The following LGR6 variants were observed in gnomAD, a reference collection of about 807,000 sequenced individuals.
LGR6 encodes leucine rich repeat containing G protein-coupled receptor 6, also known as leucine-rich repeat-containing G protein-coupled receptor 6.
A neutral mutation model predicts 69.4 loss-of-function variants in LGR6; 45 were observed. The ratio of observed to expected loss-of-function variants is 0.65; its 90% confidence interval spans 0.51 to 0.83. The LOEUF (loss-of-function observed/expected upper bound fraction) is 0.83. Among genes scored for constraint, LGR6 ranks in the 40% least tolerant of loss-of-function variants. LGR6 has a pLI of 0.00. For missense variants in LGR6, 1,108 were observed against 1,246.7 expected (o/e 0.89, Z 1.68); for synonymous variants, 538 against 555.0 (o/e 0.97, Z 0.43).
At chr1:202,294,478 G>A (rs1165937145) in intron 6 of LGR6, among the ~76,000 whole-genome samples, 1 of 152,192 alleles carries the variant, frequency 6.6e-6, no homozygotes, top group African/African-American at 2.4e-5. Flanking sequence ...TCATTCATGA[G>A]GTTGTAGTCA....
Position 202,300,953 on chromosome 1 carries a change from G to A in LGR6, c.857+33G>A, listed in dbSNP as rs200044070. ...CTACTTTCTCTGGTCTCTTAATGCCGAACAGTGTTTCAGGGAGGAGGACAG... is the reference window on the plus strand; with the variant it reads ...CTACTTTCTCTGGTCTCTTAATGCCAAACAGTGTTTCAGGGAGGAGGACAG... On this transcript the variant is annotated intron_variant, in intron 8 of 17. Transcript: ENST00000367278. 7.7e-5 allele frequency: 120 copies of A among 1,565,430 alleles called. 3 individuals carry two copies. In the Middle Eastern group the frequency reaches 2.5e-3, roughly 33 times the overall value.
At chr1:202,205,622 TACAC>T (rs1659177072) in intron 1 of LGR6, among the ~76,000 whole-genome samples, 1 of 109,316 alleles carries the variant, frequency 9.1e-6, no homozygotes, top group South Asian at 3.3e-4. Flanking sequence ...CCTTCACACA[TACAC>T]ATACACCTCC....
chr1:202,194,347 G>T (rs529009182), intron 1 of LGR6, 146 bp downstream of exon 1: 8 of 598,340 alleles, frequency 1.3e-5, no homozygotes, highest in Non-Finnish European at 2.3e-5. Context: ...TGACCGTTGC[G>T]GGACTGGGGA....
chr1:202,282,689 T>C lies in LGR6; in HGVS notation c.716+1837T>C, dbSNP rs150918861. Among the ~76,000 whole-genome samples, 667 of 152,328 alleles carry C rather than the reference T, an allele frequency of 4.4e-3. 3 individuals carry two copies. The highest frequency in any genetic ancestry group is 0.015 in the African/African-American group (610 of 41,574). ...GGGGAGGGGGTACATACACTGACTA[T>C]GTGTTGGCGCCTCTAAAAAACCAAC... On this transcript the variant is annotated intron_variant, in intron 6 of 17. Transcript: ENST00000367278.
At chr1:202,314,512 T>G (rs1322242452) in intron 16 of LGR6, among the ~76,000 whole-genome samples, 1 of 152,182 alleles carries the variant, frequency 6.6e-6, no homozygotes. Flanking sequence ...GAAGCAGCAC[T>G]TGTGGGTAAG....
At chr1:202,255,809 A>T (rs982618823) in intron 4 of LGR6, among the ~76,000 whole-genome samples, 3 of 152,230 alleles carry the variant, frequency 2.0e-5, no homozygotes, top group African/African-American at 7.2e-5. Flanking sequence ...TTATGTCAGC[A>T]TCTGGTTTAT....
At chr1:202,259,684 C>T (rs1664062992) in intron 4 of LGR6, among the ~76,000 whole-genome samples, 1 of 152,152 alleles carries the variant, frequency 6.6e-6, no homozygotes, top group East Asian at 1.9e-4. Context: ...CCTCCTCCTT[C>T]CTCCCATCTC....
chr1:202,276,237 C>A, intron 4 of LGR6, 69 bp from the exon 5 acceptor site: 1 of 1,349,760 alleles, frequency 7.4e-7, no homozygotes, highest in South Asian at 1.3e-5. Flanking sequence ...CTGGCTGGCC[C>A]AGTCTAGCCC....
chr1:202,301,318 G>GGAT, intron 9 of LGR6, 83 bp downstream of exon 9: 1 of 1,197,156 alleles, frequency 8.4e-7, no homozygotes, highest in Non-Finnish European at 1.2e-6. Flanking sequence ...TATCGCCTGC[G>GGAT]GATCTCTCCC....
At chr1:202,215,823 T>C (rs1659740335) in intron 1 of LGR6, among the ~76,000 whole-genome samples, 1 of 152,232 alleles carries the variant, frequency 6.6e-6, no homozygotes, top group African/African-American at 2.4e-5. Flanking sequence ...GGAGACCAGC[T>C]ACATGAATGA....
intron 14 of LGR6, among the ~76,000 whole-genome samples, chr1:202,308,800 T>G (rs1240752708): frequency 6.6e-6 from 1 of 152,194 alleles, no homozygotes; most frequent in Non-Finnish European, 1.5e-5. Flanking sequence ...CAGTCCCTGG[T>G]ATATAGTTGG....
At chr1:202,223,531 A>G (rs988452812) in intron 1 of LGR6, among the ~76,000 whole-genome samples, 15 of 152,070 alleles carry the variant, frequency 9.9e-5, no homozygotes, top group Non-Finnish European at 1.6e-4. Flanking sequence ...TAGGGAAAGG[A>G]GAAAGCCTCA....
chr1:202,227,450 T>C (rs987242963), intron 2 of LGR6, among the ~76,000 whole-genome samples: 3 of 152,192 alleles, frequency 2.0e-5, no homozygotes, highest in Non-Finnish European at 1.5e-5. Flanking sequence ...CTTAACCCTC[T>C]TGGATTAGTG....
intron 16 of LGR6, among the ~76,000 whole-genome samples, chr1:202,311,718 G>A (rs1019746694): frequency 6.6e-6 from 1 of 152,210 alleles, no homozygotes; most frequent in Non-Finnish European, 1.5e-5. Context: ...CTCATAGGCT[G>A]TTGGGGAAGA....
At chr1:202,309,321 C>T (rs1464200275) in intron 15 of LGR6, 145 bp downstream of exon 15, 2 of 907,542 alleles carry the variant, frequency 2.2e-6, no homozygotes, top group Non-Finnish European at 3.3e-6. Flanking sequence ...ACCTGACCAC[C>T]TACAGACCAA....
chr1:202,316,318 A>G (rs1654140517), intron 17 of LGR6, among the ~76,000 whole-genome samples: 1 of 152,184 alleles, frequency 6.6e-6, no homozygotes. Flanking sequence ...GTGCAAATAG[A>G]TCACAGGGTG....
At position 202,235,994 on chromosome 1, in the gene LGR6, G is replaced by A; in HGVS notation, c.428+1G>A. ...GGGAGCTGCCGAGCCTGCAGTCGCT[G>A]TGAGTCATTAGAGGGCTGGTCTGGG... On this transcript the variant is annotated splice_donor_variant, in intron 4 of 17. Coordinates refer to ENST00000367278, the MANE Select transcript of LGR6 (RefSeq NM_001017403.2). LOFTEE classifies it high-confidence loss of function. 1 of 1,613,458 alleles carries A rather than the reference G, an allele frequency of 6.2e-7. No homozygotes were observed. The highest frequency in any genetic ancestry group is 8.5e-7 in the Non-Finnish European group (1 of 1,179,666).
intron 6 of LGR6, chr1:202,281,136 T>C: frequency 2.7e-6 from 1 of 368,726 alleles, no homozygotes; most frequent in Non-Finnish European, 4.9e-6. Flanking sequence ...ACCAAAATAA[T>C]GAAAATTCTG....
chr1:202,234,060 G>T (rs1162916166), intron 3 of LGR6, among the ~76,000 whole-genome samples: 1 of 152,226 alleles, frequency 6.6e-6, no homozygotes, highest in Non-Finnish European at 1.5e-5. Flanking sequence ...AACTGGAAAG[G>T]CCCCTCTGGC....
Sources: gnomAD v4.1 joint callset for allele counts (sites outside exome capture counted in the v4.1 genomes callset) on GRCh38, gnomAD v4.1.1 for gene constraint, MANE v1.5 for transcripts, NCBI Gene and HGNC (gene_info 2026-07-23, HGNC 2026-07-21) for gene names.